CCDC13: variants seen among roughly 807,000 people sequenced by gnomAD.
CCDC13 encodes coiled-coil domain containing 13.
In CCDC13, 70 loss-of-function variants were observed where a neutral mutation model predicts 87.3. That is an observed-to-expected ratio of 0.80 (90% CI 0.66 to 0.98). The LOEUF (loss-of-function observed/expected upper bound fraction) is 0.98. Among genes scored for constraint, CCDC13 ranks in the 50% least tolerant of loss-of-function variants. The probability of loss-of-function intolerance (pLI) is 0.00; values close to 1 mark genes in which losing one functional copy is unlikely to be tolerated. For synonymous variants in CCDC13, 317 were observed against 360.3 expected (o/e 0.88, Z 1.36); for missense variants, 842 against 892.0 (o/e 0.94, Z 0.71).
chr3:42,747,286 C>A lies in CCDC13; in HGVS notation c.691G>T (p.Val231Leu), dbSNP rs762552202. 3 of 1,614,032 alleles carry A rather than the reference C, an allele frequency of 1.9e-6. No homozygotes were observed. In the African/African-American group the frequency reaches 4.0e-5, roughly 22 times the overall value. Residue 231 changes from valine to leucine, a missense_variant, in exon 6 of 16, where the codon GTG (valine) becomes TTG (leucine). By Grantham distance (32) the Val-to-Leu change is conservative (BLOSUM62 1). Coordinates refer to ENST00000310232, the MANE Select transcript of CCDC13 (RefSeq NM_144719.4). ...MSDLRNQIQS[V>L]KQELRMAQKV... is the part of the protein sequence containing the mutation. ...TGTGCCATCCGCAGCTCCTGCTTCA[C>A]AGACTGGATCTGGTTTCGGAGGTCA... is the stretch of plus-strand genomic sequence containing the variant.
At chr3:42,709,608 A>G in intron 15 of CCDC13, 76 bp downstream of exon 15, 1 of 1,171,438 alleles carries the variant, frequency 8.5e-7, no homozygotes, top group Non-Finnish European at 1.3e-6. Context: ...AAGGGGAGGG[A>G]CACAGTCCCT....
intron 13 of CCDC13, among the ~76,000 whole-genome samples, chr3:42,717,176 G>A (rs6794170): frequency 0.02 from 3,099 of 152,016 alleles, 97 homozygotes; most frequent in African/African-American, 0.071. Context: ...ATGTAATCCC[G>A]ACACTTTGGG....
rs138479423 is a variant in CCDC13, at chr3:42,709,007, C to T, written c.2121G>A (p.Leu707=). The change falls in exon 16 of 16, where the codon CTG becomes CTA. Residue 707 remains leucine (L), a synonymous_variant. Transcript: ENST00000310232. ...GQVKSVFLQA[L]RQQKTGKQ is the part of the protein sequence containing the mutation. The stretch of plus-strand genomic sequence containing the variant: ...ATTGCTTGCCTGTCTTCTGCTGCCG[C>T]AGGGCCTGCAGGAAGACACTTTTCA... The T allele has an allele frequency of 1.2e-5, 20 of 1,613,270 alleles. No individual in the cohort carries two copies. In the African/African-American group the frequency reaches 2.3e-4, roughly 18 times the overall value.
In CCDC13 at chr3:42,747,327, G is replaced by T; in HGVS notation, c.650C>A (p.Thr217Asn). The T allele has an allele frequency of 6.2e-7, 1 of 1,614,126 alleles. No homozygotes were observed. ...VKALQDRLVATNLKMSDLRNQ... is the reference protein window; with the variant it reads ...VKALQDRLVANNLKMSDLRNQ... ...TCGGAGGTCACTCATCTTCAAGTTG[G>T]TGGCCACCAGCCTGTCCTGCAGGGC... The change falls in exon 6 of 16, where the codon ACC (threonine) becomes AAC (asparagine). Residue 217 changes from threonine to asparagine, a missense_variant. Transcript: ENST00000310232.
chr3:42,753,862 T>G (rs1264774952), intron 3 of CCDC13, among the ~76,000 whole-genome samples: 1 of 152,178 alleles, frequency 6.6e-6, no homozygotes, highest in African/African-American at 2.4e-5. Flanking sequence ...GGAAGGCTAC[T>G]TGCAGTGGGC....
intron 6 of CCDC13, chr3:42,746,229 G>A (rs1699391759): frequency 1.8e-6 from 1 of 545,990 alleles, no homozygotes; most frequent in Non-Finnish European, 3.3e-6. Context: ...ATCATCCCTG[G>A]CATTTCTTGG....
At chr3:42,765,976 GAGGCAAA>G (rs989302542) in intron 1 of CCDC13, among the ~76,000 whole-genome samples, 2 of 152,224 alleles carry the variant, frequency 1.3e-5, no homozygotes. Context: ...TGCAGAGCTG[GAGGCAAA>G]GGGCCTAGCT....
intron 12 of CCDC13, among the ~76,000 whole-genome samples, chr3:42,731,766 T>C (rs554763592): frequency 6.6e-6 from 1 of 152,252 alleles, no homozygotes; most frequent in African/African-American, 2.4e-5. Flanking sequence ...CGAATAGACA[T>C]ACTCTCTGGG....
At chr3:42,736,956 C>T (rs1699042455) in intron 9 of CCDC13, among the ~76,000 whole-genome samples, 1 of 152,154 alleles carries the variant, frequency 6.6e-6, no homozygotes, top group Non-Finnish European at 1.5e-5. Flanking sequence ...GGTACATGTG[C>T]ACAACGTGCA....
intron 10 of CCDC13, 42 bp downstream of exon 10, chr3:42,735,665 C>T (rs199592393): frequency 2.6e-5 from 42 of 1,593,444 alleles, no homozygotes; most frequent in East Asian, 9.0e-5. Flanking sequence ...TGGACTTGCC[C>T]GGCTTGAAAA....
At chr3:42,752,174 T>C in intron 4 of CCDC13, 149 bp from the exon 5 acceptor site, 1 of 658,886 alleles carries the variant, frequency 1.5e-6, no homozygotes, top group Non-Finnish European at 2.6e-6. Flanking sequence ...CATTCTCCTT[T>C]AGAAACCGCT....
intron 10 of CCDC13, among the ~76,000 whole-genome samples, chr3:42,733,885 T>C (rs1187300899): frequency 6.6e-6 from 1 of 152,196 alleles, no homozygotes; most frequent in East Asian, 1.9e-4. Context: ...TGCACGGCCC[T>C]GCATGCGGGG....
At chr3:42,752,742 C>A in intron 3 of CCDC13, 25 bp from the exon 4 acceptor site, 1 of 1,612,618 alleles carries the variant, frequency 6.2e-7, no homozygotes, top group Non-Finnish European at 8.5e-7. Context: ...ATGGTGAGGT[C>A]AATTAAAAAC....
In CCDC13 at chr3:42,757,055, G is replaced by A. The variant is rs1403235016; in HGVS notation, c.370+11C>T. 1.2e-6 allele frequency: 2 copies of A among 1,612,482 alleles called. No individual in the cohort carries two copies. The highest frequency in any genetic ancestry group is 4.5e-5 in the East Asian group (2 of 44,888). ...GCAGGGCAAGGACTATCACAACAAT[G>A]GTGGAGCTACCTGTGAAGGCAAATC... is the stretch of plus-strand genomic sequence containing the variant. On this transcript the variant is annotated intron_variant, in intron 3 of 15. Transcript: ENST00000310232.
chr3:42,733,619 C>T lies in CCDC13; in HGVS notation c.1372-10G>A. ...CTTTATTCCGAAGATACTGTAGGAACAGATGTGGGTTCCATCCTCAGGGCT... is the reference window on the plus strand; with the variant it reads ...CTTTATTCCGAAGATACTGTAGGAATAGATGTGGGTTCCATCCTCAGGGCT... On this transcript the variant is annotated splice_polypyrimidine_tract_variant and intron_variant, in intron 10 of 15. Transcript: ENST00000310232. 6.3e-7 allele frequency: 1 copy of T among 1,594,808 alleles called. No homozygotes were observed. Among genetic ancestry groups the T allele is most frequent in the Non-Finnish European group, 8.5e-7 (1 of 1,169,718 alleles).
chr3:42,711,246 C>CA (rs1174084143), intron 14 of CCDC13, among the ~76,000 whole-genome samples: 3,342 of 75,218 alleles, frequency 0.044, 123 homozygotes, highest in Non-Finnish European at 0.052. Context: ...ACTCTGTCTC[C>CA]AAAAAAAAAA....
At position 42,708,100 on chromosome 3, in the gene CCDC13, C is replaced by G. The variant is rs1014934444; in HGVS notation, c.*880G>C. ...GCTGAGCCCCACCTCGGCCCTCTGC[C>G]ACCAGCATCCATCAGCAGTCTTGGT... is the stretch of plus-strand genomic sequence containing the variant. On this transcript the variant is annotated 3_prime_UTR_variant, in exon 16 of 16. Coordinates refer to ENST00000310232, the MANE Select transcript of CCDC13 (RefSeq NM_144719.4). Among the ~76,000 whole-genome samples the G allele has an allele frequency of 6.6e-6, 1 of 152,150 alleles. No individual in the cohort carries two copies. Among genetic ancestry groups the G allele is most frequent in the Non-Finnish European group, 1.5e-5 (1 of 68,020 alleles).
At chr3:42,711,796 C>A (rs1053595202) in intron 14 of CCDC13, among the ~76,000 whole-genome samples, 15 of 152,158 alleles carry the variant, frequency 9.9e-5, no homozygotes, top group Admixed American at 9.2e-4. Flanking sequence ...CAGGATTTTG[C>A]CCATGTTAAA....
In CCDC13 at chr3:42,717,286, CATGGTGGTGGG is replaced by C. The variant is rs575845544; in HGVS notation, c.1719-3981_1719-3971del. On this transcript the variant is annotated intron_variant, in intron 13 of 15. Transcript: ENST00000310232. ...ACTAAAAATACAAAAATTAGCTGGG[CATGGTGGTGGG>C]TGCTTGTAGTCCCAACTATTTGGGA... Among the ~76,000 whole-genome samples, 57 of 152,100 alleles carry C rather than the reference CATGGTGGTGGG, an allele frequency of 3.7e-4. No homozygotes were observed. The East Asian group carries it at 0.01, about 28-fold the overall frequency.
Sources: allele counts gnomAD v4.1 joint callset (sites outside exome capture counted in the v4.1 genomes callset), GRCh38; gene constraint gnomAD v4.1.1; transcripts MANE v1.5; gene names NCBI Gene and HGNC (gene_info 2026-07-23, HGNC 2026-07-21).